NDST3: variants seen among roughly 807,000 people sequenced by gnomAD.
NDST3 encodes bifunctional heparan sulfate N-deacetylase/N-sulfotransferase 3.
In NDST3, 58 loss-of-function variants were observed where a neutral mutation model predicts 96.1. The observed-to-expected ratio is 0.60, with a 90% CI of 0.49 to 0.75. The LOEUF is 0.75. NDST3 is among the 30% of genes least tolerant of loss of function. The probability of loss-of-function intolerance (pLI) is 0.00; values close to 1 mark genes in which losing one functional copy is unlikely to be tolerated. For synonymous variants in NDST3, 333 were observed against 359.7 expected (o/e 0.93, Z 0.84); for missense variants, 788 against 1,034.2 (o/e 0.76, Z 3.27).
At position 118,253,568 on chromosome 4, in the gene NDST3, CA is replaced by C. The variant is rs1228041680; in HGVS notation, c.2472del (p.Gly825GlufsTer41). On this transcript the variant is annotated frameshift_variant, in exon 13 of 14. Coordinates refer to ENST00000296499, the MANE Select transcript of NDST3 (RefSeq NM_004784.3). LOFTEE classifies it high-confidence loss of function. ...GTAAAACAAAATGCCTTGGAAAGAG[CA>C]AAGGAAGAAAATACCCTCCAATGGA... ...EGKTKCLGKS[K>X]GRKYPPMDSD... The C allele has an allele frequency of 2.5e-6, 4 of 1,611,594 alleles. No individual in the cohort carries two copies. The highest frequency in any genetic ancestry group is 3.4e-6 in the Non-Finnish European group (4 of 1,178,574).
intron 6 of NDST3, among the ~76,000 whole-genome samples, chr4:118,162,491 C>A (rs1735232315): frequency 6.6e-6 from 1 of 151,856 alleles, no homozygotes; most frequent in Non-Finnish European, 1.5e-5. Context: ...GAAAAACAAG[C>A]AATGGGGAAA....
chr4:118,191,385 G>A (rs1379804471), intron 6 of NDST3, among the ~76,000 whole-genome samples: 1 of 152,206 alleles, frequency 6.6e-6, no homozygotes, highest in Admixed American at 6.5e-5. Flanking sequence ...AGGGTTTCAG[G>A]AAAGCCAGTT....
Position 118,257,490 on chromosome 4 carries a change from A to T in NDST3, c.*1778A>T, listed in dbSNP as rs1742187731. On this transcript the variant is annotated 3_prime_UTR_variant, in exon 14 of 14. Coordinates refer to ENST00000296499, the MANE Select transcript of NDST3 (RefSeq NM_004784.3). ...TACATAAAATTTAAGTAGTAAATTA[A>T]TTCCCTGCTATGATTATAAGCCTTT... 1 of 152,132 alleles carries T rather than the reference A, an allele frequency of 6.6e-6. No homozygotes were observed. The highest frequency in any genetic ancestry group is 1.5e-5 in the Non-Finnish European group (1 of 68,016). The allele number at this position is 152,132 out of a possible 1,614,324, so 9.4% of individuals were successfully genotyped here. A position where few individuals can be genotyped will look rare whatever the true frequency, so the allele number is the denominator to read the frequency against.
intron 2 of NDST3, among the ~76,000 whole-genome samples, chr4:118,070,301 A>G (rs965879807): frequency 7.2e-5 from 11 of 152,074 alleles, no homozygotes; most frequent in Non-Finnish European, 1.5e-4. Flanking sequence ...AAATAGGGTG[A>G]ACAGAACACT....
At chr4:118,253,877 A>C (rs1265318592) in intron 13 of NDST3, among the ~76,000 whole-genome samples, 1 of 152,216 alleles carries the variant, frequency 6.6e-6, no homozygotes, top group African/African-American at 2.4e-5. Context: ...CTGCACAAAA[A>C]TTTTAGTATA....
In NDST3 at chr4:118,255,655, C is replaced by A. The variant is rs368411247; in HGVS notation, c.2565C>A (p.His855Gln). The change falls in exon 14 of 14, where the codon CAC (histidine) becomes CAA (glutamine). Residue 855 changes from histidine to glutamine, a missense_variant. Coordinates refer to ENST00000296499, the MANE Select transcript of NDST3 (RefSeq NM_004784.3). ...ACGTGGAACTCTCAAAGCTGCTGCACAAACTGGGTCAGCCTCTGCCATCCT... is the reference window on the plus strand; with the variant it reads ...ACGTGGAACTCTCAAAGCTGCTGCAAAAACTGGGTCAGCCTCTGCCATCCT... ...DHNVELSKLL[H>Q]KLGQPLPSWL... 1.9e-6 allele frequency: 3 copies of A among 1,613,724 alleles called. No homozygotes were observed. The highest frequency in any genetic ancestry group is 4.5e-5 in the East Asian group (2 of 44,876).
At position 118,159,097 on chromosome 4, in the gene NDST3, C is replaced by T. The variant is rs556277644; in HGVS notation, c.1539+15413C>T. 2.5e-3 allele frequency among the ~76,000 whole-genome samples: 385 copies of T among 152,298 alleles called. 2 individuals are homozygous for T. The highest frequency in any genetic ancestry group is 8.6e-3 in the African/African-American group (358 of 41,570). ...AGTCCCATAGGAGGAAAAGATTTGG[C>T]TTGTACATTTTTGTACATTGAACAT... On this transcript the variant is annotated intron_variant, in intron 6 of 13. Transcript: ENST00000296499.
intron 8 of NDST3, among the ~76,000 whole-genome samples, chr4:118,230,502 C>A (rs776688274): frequency 1.3e-5 from 2 of 151,210 alleles, no homozygotes; most frequent in Non-Finnish European, 2.9e-5. Flanking sequence ...GTGAACCCGG[C>A]GGGCGGAGCT....
At chr4:118,163,389 G>T (rs1735319649) in intron 6 of NDST3, among the ~76,000 whole-genome samples, 2 of 152,112 alleles carry the variant, frequency 1.3e-5, no homozygotes, top group Admixed American at 1.3e-4. Flanking sequence ...AAGAAAATGT[G>T]GCACATATAC....
chr4:118,161,454 G>T (rs1006726200), intron 6 of NDST3, among the ~76,000 whole-genome samples: 1 of 152,146 alleles, frequency 6.6e-6, no homozygotes, highest in Non-Finnish European at 1.5e-5. Flanking sequence ...CTTTTTGTTT[G>T]TCTGTGCCCT....
upstream of NDST3, chr4:118,033,893 C>G (rs1040839244): frequency 6.6e-6 from 1 of 152,314 alleles, no homozygotes; most frequent in East Asian, 1.9e-4. Context: ...GAGGAGCCCG[C>G]GGACGGCTGC....
Position 118,043,069 on chromosome 4 carries a change from A to G in NDST3, c.-156+8477A>G, listed in dbSNP as rs148608010. 2.9e-4 allele frequency among the ~76,000 whole-genome samples: 44 copies of G among 152,334 alleles called. 1 individual carries two copies. In the East Asian group the frequency reaches 7.3e-3, roughly 25 times the overall value. ...TTCCGTGGTGTCCACAGTATTTACT[A>G]CAGCACTAATTCCAAAGTAGGTGTT... On this transcript the variant is annotated intron_variant, in intron 1 of 13. Coordinates refer to ENST00000296499, the MANE Select transcript of NDST3 (RefSeq NM_004784.3).
At chr4:118,072,954 C>T (rs563812056) in intron 2 of NDST3, among the ~76,000 whole-genome samples, 6 of 152,072 alleles carry the variant, frequency 3.9e-5, no homozygotes, top group East Asian at 3.9e-4. Flanking sequence ...TGAATTTTAT[C>T]GAAAGCTTTT....
rs942584936 is a variant in NDST3, at chr4:118,161,582, G to T, written c.1539+17898G>T. On this transcript the variant is annotated intron_variant, in intron 6 of 13. Transcript: ENST00000296499. The stretch of plus-strand genomic sequence containing the variant: ...TAAGCAAGCCTGGGCGATGGTGGGC[G>T]CCTATCCCCCAGCCTCGCTGCCGCC... 4.6e-5 allele frequency among the ~76,000 whole-genome samples: 7 copies of T among 152,264 alleles called. No homozygotes were observed. In the East Asian group the frequency reaches 1.2e-3, roughly 25 times the overall value.
rs1048222837 is a variant in NDST3, at chr4:118,224,401, T to C, written c.1540-90T>C. The stretch of plus-strand genomic sequence containing the variant: ...CAACTGAAACCCTGTGCAGACTACT[T>C]AAGGAAAAAAACTAGCATGGCTGTG... On this transcript the variant is annotated intron_variant, in intron 6 of 13. Coordinates refer to ENST00000296499, the MANE Select transcript of NDST3 (RefSeq NM_004784.3). The C allele has an allele frequency of 5.5e-5, 69 of 1,251,014 alleles. 1 individual carries two copies. In the Middle Eastern group the frequency reaches 6.1e-4, roughly 11 times the overall value. The allele number at this position is 1,251,014 out of a possible 1,614,324, so 77.5% of individuals were successfully genotyped here.
intron 2 of NDST3, among the ~76,000 whole-genome samples, chr4:118,099,259 A>G (rs2125842855): frequency 6.6e-6 from 1 of 152,174 alleles, no homozygotes. Flanking sequence ...CTGTTCTGCC[A>G]TGGTCATGTA....
intron 12 of NDST3, among the ~76,000 whole-genome samples, chr4:118,248,985 T>G (rs887054056): frequency 6.6e-6 from 1 of 152,166 alleles, no homozygotes; most frequent in African/African-American, 2.4e-5. Flanking sequence ...GACACACTTA[T>G]ACCATTGCCT....
chr4:118,209,280 A>G (rs1023648162), intron 6 of NDST3, among the ~76,000 whole-genome samples: 1 of 152,200 alleles, frequency 6.6e-6, no homozygotes, highest in African/African-American at 2.4e-5. Flanking sequence ...TAAATCTATC[A>G]TAAGAAGTAA....
At chr4:118,165,358 C>A (rs2055033118) in intron 6 of NDST3, among the ~76,000 whole-genome samples, 1 of 151,796 alleles carries the variant, frequency 6.6e-6, no homozygotes, top group Non-Finnish European at 1.5e-5. Context: ...ATTAAAAAGT[C>A]AATTAACCAG....
Sources: allele counts gnomAD v4.1 joint callset (sites outside exome capture counted in the v4.1 genomes callset), GRCh38; gene constraint gnomAD v4.1.1; transcripts MANE v1.5; gene names NCBI Gene and HGNC (gene_info 2026-07-23, HGNC 2026-07-21).